The following HDHD5 variants were observed in gnomAD, a reference collection of about 807,000 sequenced individuals.
HDHD5 encodes the protein haloacid dehalogenase-like hydrolase domain-containing 5.
In HDHD5, 34 loss-of-function variants were observed where a neutral mutation model predicts 35.5. The ratio of observed to expected loss-of-function variants is 0.96; its 90% CI spans 0.73 to 1.28. The LOEUF is 1.28. HDHD5 is among the 50% of genes most tolerant of loss of function. The pLI, the probability that HDHD5 is intolerant of heterozygous loss-of-function variation, is 0.00. For synonymous variants in HDHD5, 248 were observed against 240.6 expected (o/e 1.03, Z -0.29); for missense variants, 589 against 560.2 (o/e 1.05, Z -0.52).
chr22:17,141,622 C>A (rs1252198159), intron 5 of HDHD5: 1 of 1,050,516 alleles, frequency 9.5e-7, no homozygotes, highest in Non-Finnish European at 1.1e-6. Flanking sequence ...CAGGGACTGG[C>A]AGAACCTAAC....
chr22:17,162,843 T>C (rs1249151104), upstream of HDHD5, among the ~76,000 whole-genome samples: 2 of 152,242 alleles, frequency 1.3e-5, no homozygotes, highest in African/African-American at 4.8e-5. Flanking sequence ...ACGGAGCACA[T>C]ATTCTGCCAC....
At chr22:17,149,847 A>C (rs1601393983) in intron 1 of HDHD5, 102 bp from the exon 2 acceptor site, 1 of 956,102 alleles carries the variant, frequency 1.0e-6, no homozygotes, top group East Asian at 2.6e-5. Flanking sequence ...GTCCCTTGAA[A>C]ACCTATGTCA....
rs1238868139 is a variant in HDHD5 at position 17,137,628 on chromosome 22, C to G, written c.*393G>C. ...AAGTAGCATCTGGTGTTAAGACACT[C>G]TGCCGACAGGCTGCATGCCTTCAGT... On this transcript the variant is annotated 3_prime_UTR_variant, in exon 8 of 8. Coordinates refer to ENST00000336737, the MANE Select transcript of HDHD5 (RefSeq NM_033070.3). The G allele has an allele frequency of 5.3e-6, 1 of 186,966 alleles. No homozygotes were observed. Among genetic ancestry groups the G allele is most frequent in the Non-Finnish European group, 1.1e-5 (1 of 90,892 alleles). 11.6% of individuals were successfully genotyped at this position (186,966 alleles called of 1,614,324 possible).
chr22:17,148,995 G>A (rs538837468), intron 2 of HDHD5, among the ~76,000 whole-genome samples: 5 of 152,302 alleles, frequency 3.3e-5, no homozygotes, highest in African/African-American at 1.2e-4. Flanking sequence ...TACTTGGAAG[G>A]TTTTTGGAAT....
At chr22:17,154,767 T>G (rs4819562) in intron 1 of HDHD5, among the ~76,000 whole-genome samples, 1 of 151,286 alleles carries the variant, frequency 6.6e-6, no homozygotes, top group African/African-American at 2.4e-5. Context: ...GGACTACAAG[T>G]ATGTGCCACC....
Position 17,159,110 on chromosome 22 carries a change from A to G in HDHD5, c.126+16T>C, listed in dbSNP as rs1216825256. 7.3e-6 allele frequency: 9 copies of G among 1,237,392 alleles called. No homozygotes were observed. Among genetic ancestry groups the G allele is most frequent in the Non-Finnish European group, 9.1e-6 (9 of 988,638 alleles). The allele number at this position is 1,237,392 out of a possible 1,614,324, so 76.7% of individuals were successfully genotyped here. A position where few individuals can be genotyped will look rare whatever the true frequency, so the allele number is the denominator to read the frequency against. ...CTGAGTGGCGAGTGGCTCGGCCAGA[A>G]CCCGGACGTCCTCACCTGAGCGGGG... On this transcript the variant is annotated intron_variant, in intron 1 of 7. Transcript: ENST00000336737.
chr22:17,141,199 C>T lies in HDHD5; in HGVS notation c.606G>A (p.Glu202=). The T allele has an allele frequency of 6.3e-7, 1 of 1,597,888 alleles. No individual in the cohort carries two copies. Among genetic ancestry groups the T allele is most frequent in the Non-Finnish European group, 8.5e-7 (1 of 1,172,742 alleles). Residue 202 remains glutamate (E), a synonymous_variant, in exon 6 of 8, where the codon GAG becomes GAA. Coordinates refer to ENST00000336737, the MANE Select transcript of HDHD5 (RefSeq NM_033070.3). The stretch of plus-strand genomic sequence containing the variant: ...CATCCATGATCAGCTGCAGGCTGGT[C>T]TCCCAGCGGACCGGCTCCCCTAGGA... ...VLLLGEPVRW[E]TSLQLIMDVL...
chr22:17,159,648 G>C, upstream of HDHD5: 1 of 376,996 alleles, frequency 2.7e-6, no homozygotes, highest in East Asian at 1.2e-4. Flanking sequence ...GGGCCGCTGG[G>C]GCAGACCCTT....
upstream of HDHD5, among the ~76,000 whole-genome samples, chr22:17,161,244 T>G (rs1389668461): frequency 3.2e-5 from 2 of 63,188 alleles, no homozygotes; most frequent in African/African-American, 8.0e-5. Context: ...AGACTCTATC[T>G]CAAAAAAAAA....
In HDHD5 at chr22:17,138,613, AGGTCCTCG is replaced by A. The variant is rs1248578030; in HGVS notation, c.864_871del (p.Glu289AspfsTer22). ...CCGCCTCTCCGCCTGTCGCCTGATC[AGGTCCTCG>A]GCATACTGGTAAGTGAGGATGCTGG... On this transcript the variant is annotated frameshift_variant, in exon 7 of 8. Transcript: ENST00000336737. LOFTEE classifies it high-confidence loss of function. 3.7e-6 allele frequency: 6 copies of A among 1,614,126 alleles called. No individual in the cohort carries two copies. The highest frequency in any genetic ancestry group is 5.1e-6 in the Non-Finnish European group (6 of 1,180,046).
chr22:17,141,220 TAGG>T lies in HDHD5; in HGVS notation c.582_584del (p.Leu195del). ...TGGTCTCCCAGCGGACCGGCTCCCC[TAGG>T]AGGAGCACCCCTTTAAAGAACAGAG... On this transcript the variant is annotated inframe_deletion, in exon 6 of 8. Transcript: ENST00000336737. The T allele has an allele frequency of 6.3e-7, 1 of 1,593,708 alleles. No individual in the cohort carries two copies. The highest frequency in any genetic ancestry group is 8.5e-7 in the Non-Finnish European group (1 of 1,171,240).
intron 5 of HDHD5, 23 bp downstream of exon 5, chr22:17,143,075 T>G: frequency 1.2e-6 from 2 of 1,607,426 alleles, no homozygotes; most frequent in Non-Finnish European, 1.7e-6. Flanking sequence ...ACCTCACAAC[T>G]CATCAAAGAG....
intron 4 of HDHD5, among the ~76,000 whole-genome samples, chr22:17,144,072 C>T (rs2061629566): frequency 6.6e-6 from 1 of 152,212 alleles, no homozygotes; most frequent in Non-Finnish European, 1.5e-5. Context: ...GAGGGCAGCT[C>T]AGTGCCGGGC....
At chr22:17,144,485 C>T (rs1409528209) in intron 4 of HDHD5, among the ~76,000 whole-genome samples, 1 of 150,578 alleles carries the variant, frequency 6.6e-6, no homozygotes, top group Non-Finnish European at 1.5e-5. Flanking sequence ...GTGATGTCAG[C>T]TCACTGCAAC....
intron 5 of HDHD5, 156 bp downstream of exon 5, chr22:17,142,942 G>A (rs2061614931): frequency 4.4e-6 from 3 of 674,462 alleles, no homozygotes; most frequent in African/African-American, 1.9e-5. Context: ...AGTCTCAGAG[G>A]TGGTAAGTGG....
chr22:17,138,823 AAC>A lies in HDHD5; in HGVS notation c.747-87_747-86del, dbSNP rs1283564713. On this transcript the variant is annotated intron_variant, in intron 6 of 7. Transcript: ENST00000336737. ...CACGACTGCCACTGTCTAAGCAGCA[AAC>A]ACACAGACCAGCCTTTTCCCCAGGG... is the stretch of plus-strand genomic sequence containing the variant. 4 of 1,482,224 alleles carry A rather than the reference AAC, an allele frequency of 2.7e-6. No homozygotes were observed. The African/African-American group carries it at 5.5e-5, about 20-fold the overall frequency. The allele number at this position is 1,482,224 out of a possible 1,614,324, so 91.8% of individuals were successfully genotyped here.
At chr22:17,155,231 CTT>C (rs539943001) in intron 1 of HDHD5, among the ~76,000 whole-genome samples, 33 of 133,144 alleles carry the variant, frequency 2.5e-4, no homozygotes, top group Admixed American at 3.0e-4. Flanking sequence ...ATTTGCTTTC[CTT>C]TTTTTTTTTT....
At position 17,143,098 on chromosome 22, in the gene HDHD5, C is replaced by G. The variant is rs759095965; in HGVS notation, c.571G>C (p.Gly191Arg). 6.2e-7 allele frequency: 1 copy of G among 1,610,164 alleles called. No homozygotes were observed. Among genetic ancestry groups the G allele is most frequent in the South Asian group, 1.1e-5 (1 of 90,006 alleles). Residue 191 changes from glycine (G) to arginine (R), a missense_variant and splice_region_variant, in exon 5 of 8, where the codon GGG (glycine) becomes CGG (arginine). Gly to Arg is a moderately radical substitution (Grantham distance 125, BLOSUM62 -2). Transcript: ENST00000336737. ...ACTCATCAAAGAGGACCTCTCTTAC[C>G]TTCAATGCGGGGGAAGTCATTCCTC... ...LPRNDFPRIE[G>R]VLLLGEPVRW...
intron 1 of HDHD5, 119 bp downstream of exon 1, chr22:17,159,007 T>C (rs2061836085): frequency 1.0e-6 from 1 of 955,932 alleles, no homozygotes; most frequent in South Asian, 5.2e-5. Flanking sequence ...GCGACGACGG[T>C]CCAGGCAGTT....
Sources: gnomAD v4.1 joint callset for allele counts (sites outside exome capture counted in the v4.1 genomes callset) on GRCh38, gnomAD v4.1.1 for gene constraint, MANE v1.5 for transcripts, NCBI Gene and HGNC (gene_info 2026-07-23, HGNC 2026-07-21) for gene names.